ARL15: variants seen among roughly 807,000 people sequenced by gnomAD.
The protein encoded by ARL15 is ARF like GTPase 15.
ARL15 carries 19 observed loss-of-function variants against 25.2 expected under a neutral mutation model. The observed-to-expected ratio is 0.75, with a 90% confidence interval of 0.53 to 1.10. The LOEUF is 1.10. Ranked by LOEUF, ARL15 falls within the 50% of genes least tolerant of loss-of-function variation. The probability of loss-of-function intolerance (pLI) is 0.00; values close to 1 mark genes in which losing one functional copy is unlikely to be tolerated. For missense variants in ARL15, 220 were observed against 246.0 expected (o/e 0.89, Z 0.71); for synonymous variants, 94 against 86.8 (o/e 1.08, Z -0.46).
At chr5:54,038,255 T>A (rs1254905513) in intron 4 of ARL15, among the ~76,000 whole-genome samples, 1 of 152,106 alleles carries the variant, frequency 6.6e-6, no homozygotes, top group Non-Finnish European at 1.5e-5. Context: ...AATAATGGCA[T>A]AATGAAGACA....
chr5:54,243,213 A>G (rs1561280824), intron 1 of ARL15, among the ~76,000 whole-genome samples: 1 of 152,246 alleles, frequency 6.6e-6, no homozygotes, highest in Non-Finnish European at 1.5e-5. Context: ...TATTAGTGTC[A>G]TGAAACTGTC....
At chr5:54,136,175 C>T (rs1753597496) in intron 3 of ARL15, among the ~76,000 whole-genome samples, 1 of 152,126 alleles carries the variant, frequency 6.6e-6, no homozygotes, top group Non-Finnish European at 1.5e-5. Context: ...GATTCATTGA[C>T]TCATTTAGTA....
chr5:54,108,941 A>G (rs1752661152), intron 4 of ARL15, among the ~76,000 whole-genome samples: 1 of 152,090 alleles, frequency 6.6e-6, no homozygotes, highest in African/African-American at 2.4e-5. Context: ...TTGTTCAAAA[A>G]AATCTGAATA....
chr5:54,300,591 C>T (rs1758590967), intron 1 of ARL15, among the ~76,000 whole-genome samples: 2 of 152,198 alleles, frequency 1.3e-5, no homozygotes, highest in Non-Finnish European at 1.5e-5. Flanking sequence ...ACTCAGATAA[C>T]CAAAACAATG....
At chr5:54,121,375 C>T (rs1366493127) in intron 3 of ARL15, among the ~76,000 whole-genome samples, 2 of 151,826 alleles carry the variant, frequency 1.3e-5, no homozygotes, top group Non-Finnish European at 2.9e-5. Context: ...GTTGTTGTCC[C>T]CCTATTGATG....
chr5:53,976,733 G>T (rs910838097), intron 4 of ARL15, among the ~76,000 whole-genome samples: 4 of 152,194 alleles, frequency 2.6e-5, no homozygotes, highest in Non-Finnish European at 4.4e-5. Flanking sequence ...TGGTGGTTCA[G>T]AAATGTCCGT....
chr5:53,898,298 G>C (rs190814705), intron 4 of ARL15, among the ~76,000 whole-genome samples: 12 of 152,234 alleles, frequency 7.9e-5, no homozygotes, highest in Admixed American at 1.3e-4. Flanking sequence ...AATGTATTTG[G>C]TTTTAGTATC....
rs563868539 is a variant in ARL15, at chr5:54,127,041, C to T, written c.254-13631G>A. On this transcript the variant is annotated intron_variant, in intron 3 of 4. Coordinates refer to ENST00000504924, the MANE Select transcript of ARL15 (RefSeq NM_019087.3). ...ACAGTCCCCAGAGTGTGATGTTCCC[C>T]TTCCTGTGTCCATGTGTTCTCATTG... is the stretch of plus-strand genomic sequence containing the variant. 4.1e-3 allele frequency among the ~76,000 whole-genome samples: 627 copies of T among 152,194 alleles called. 4 individuals are homozygous for T. The highest frequency in any genetic ancestry group is 0.014 in the African/African-American group (585 of 41,512).
At chr5:54,060,320 T>A (rs1055086950) in intron 4 of ARL15, among the ~76,000 whole-genome samples, 6 of 152,180 alleles carry the variant, frequency 3.9e-5, no homozygotes, top group Admixed American at 6.5e-5. Context: ...TCCCCGCTAC[T>A]CAGGAGGCTG....
chr5:54,048,765 T>C (rs1750611289), intron 4 of ARL15, among the ~76,000 whole-genome samples: 1 of 151,136 alleles, frequency 6.6e-6, no homozygotes. Context: ...AAGGAACCAT[T>C]TGCCTATTAC....
chr5:54,293,110 C>T (rs1479310331), intron 1 of ARL15, among the ~76,000 whole-genome samples: 2 of 152,132 alleles, frequency 1.3e-5, no homozygotes, highest in African/African-American at 4.8e-5. Context: ...CATGATAAAA[C>T]CTATGTTCTG....
At chr5:53,969,217 T>C (rs933487110) in intron 4 of ARL15, among the ~76,000 whole-genome samples, 1 of 152,184 alleles carries the variant, frequency 6.6e-6, no homozygotes, top group Non-Finnish European at 1.5e-5. Context: ...TTAGTAACTA[T>C]ATATTTACAT....
intron 4 of ARL15, among the ~76,000 whole-genome samples, chr5:53,939,937 AAC>A (rs1489259009): frequency 1.3e-5 from 2 of 151,498 alleles, no homozygotes; most frequent in African/African-American, 4.9e-5. Flanking sequence ...CAACAACAAC[AAC>A]AAACAACTTT....
At chr5:54,287,454 A>T (rs1276880463) in intron 1 of ARL15, among the ~76,000 whole-genome samples, 3 of 151,258 alleles carry the variant, frequency 2.0e-5, no homozygotes, top group African/African-American at 7.3e-5. Flanking sequence ...CAAAAGATTG[A>T]GAGGTATCCA....
At chr5:54,202,611 C>T (rs1019069835) in intron 1 of ARL15, among the ~76,000 whole-genome samples, 13 of 152,090 alleles carry the variant, frequency 8.5e-5, no homozygotes, top group African/African-American at 2.7e-4. Context: ...ACCAGAACTG[C>T]AAAGTAATAA....
chr5:54,069,679 A>T (rs992386108), intron 4 of ARL15, among the ~76,000 whole-genome samples: 1 of 150,978 alleles, frequency 6.6e-6, no homozygotes, highest in East Asian at 2.0e-4. Context: ...ACGGAGTTTC[A>T]CTCAGTCACC....
intron 4 of ARL15, among the ~76,000 whole-genome samples, chr5:54,003,004 C>T (rs1204859411): frequency 6.6e-6 from 1 of 152,042 alleles, no homozygotes; most frequent in African/African-American, 2.4e-5. Context: ...AACGATTGGC[C>T]ATTAGTAGTA....
intron 4 of ARL15, among the ~76,000 whole-genome samples, chr5:54,036,142 C>A (rs1464075205): frequency 2.0e-5 from 3 of 150,412 alleles, no homozygotes; most frequent in Admixed American, 2.0e-4. Flanking sequence ...AGAGTGAGAC[C>A]CCGCTTCGTA....
intron 4 of ARL15, among the ~76,000 whole-genome samples, chr5:54,063,548 C>T (rs543234578): frequency 1.3e-5 from 2 of 152,260 alleles, no homozygotes; most frequent in East Asian, 1.9e-4. Flanking sequence ...TGGCACAGCA[C>T]CTGAATTTAA....
Sources: allele counts gnomAD v4.1 joint callset (sites outside exome capture counted in the v4.1 genomes callset), GRCh38; gene constraint gnomAD v4.1.1; transcripts MANE v1.5; gene names NCBI Gene and HGNC (gene_info 2026-07-23, HGNC 2026-07-21).